The following ARPC2 variants were observed in gnomAD, a reference collection of about 807,000 sequenced individuals.
ARPC2 encodes actin related protein 2/3 complex subunit 2.
A neutral mutation model predicts 38.6 loss-of-function variants in ARPC2; 4 were observed. The observed-to-expected ratio is 0.10, with a 90% CI of 0.05 to 0.24. ARPC2 has a LOEUF of 0.24. Ranked by LOEUF, ARPC2 falls within the 10% of genes least tolerant of loss-of-function variation. The probability of loss-of-function intolerance (pLI) is 1.00; values close to 1 mark genes in which losing one functional copy is unlikely to be tolerated. For missense variants in ARPC2, 229 were observed against 387.3 expected, an observed-to-expected ratio of 0.59 and a Z score of 3.43; for synonymous variants, 125 against 140.8, an observed-to-expected ratio of 0.89 and a Z score of 0.79.
intron 2 of ARPC2, among the ~76,000 whole-genome samples, chr2:218,223,558 C>A (rs570123653): frequency 6.6e-6 from 1 of 152,258 alleles, no homozygotes; most frequent in African/African-American, 2.4e-5. Context: ...TGGAACATAT[C>A]CCCCACAGAT....
intron 1 of ARPC2, 63 bp from the exon 2 acceptor site, chr2:218,217,400 C>T (rs1689275677): frequency 2.0e-6 from 3 of 1,527,894 alleles, no homozygotes; most frequent in East Asian, 2.3e-5. Context: ...AGGGCCGCTC[C>T]CTCCGTCCTT....
chr2:218,253,933 G>A lies in ARPC2; in HGVS notation c.*18G>A, dbSNP rs1477391180. 1 of 1,613,778 alleles carries A rather than the reference G, an allele frequency of 6.2e-7. No individual in the cohort carries two copies. The highest frequency in any genetic ancestry group is 8.5e-7 in the Non-Finnish European group (1 of 1,179,968). On this transcript the variant is annotated 3_prime_UTR_variant, in exon 11 of 11. Coordinates refer to ENST00000315717, the MANE Select transcript of ARPC2 (RefSeq NM_152862.3). ...CCCGCTAATCTTGGGAATAAGAGGA[G>A]GAAGCGGCTGGCAACTGAAGGCTGG...
intron 10 of ARPC2, among the ~76,000 whole-genome samples, chr2:218,253,353 G>A (rs560932874): frequency 2.0e-5 from 3 of 152,270 alleles, no homozygotes; most frequent in East Asian, 3.9e-4. Context: ...CAGGAGCCTC[G>A]AACCAGGCAG....
chr2:218,243,331 C>T (rs1217752871), intron 7 of ARPC2, among the ~76,000 whole-genome samples: 1 of 152,190 alleles, frequency 6.6e-6, no homozygotes, highest in Non-Finnish European at 1.5e-5. Flanking sequence ...GCTCAAAAGA[C>T]ATCCTAGCCA....
rs1374944730 is a variant in ARPC2, at chr2:218,234,353, T to C, written c.224T>C (p.Leu75Ser). Residue 75 changes from leucine to serine, a missense_variant and splice_region_variant, in exon 5 of 11, where the codon TTA becomes TCA. Physicochemically the swap from Leu to Ser is moderately radical, Grantham distance 145. Coordinates refer to ENST00000315717, the MANE Select transcript of ARPC2 (RefSeq NM_152862.3). ...TTTTGTTTTGTTTTTATTTTCTAGTTATTAAAGAGGGTGTACGGGAGTTTC... is the reference window on the plus strand; with the variant it reads ...TTTTGTTTTGTTTTTATTTTCTAGTCATTAAAGAGGGTGTACGGGAGTTTC... ...KELQAHGADE[L>S]LKRVYGSFLV... 6.3e-7 allele frequency: 1 copy of C among 1,599,278 alleles called. No individual in the cohort carries two copies. Among genetic ancestry groups the C allele is most frequent in the Non-Finnish European group, 8.5e-7 (1 of 1,170,032 alleles).
chr2:218,253,548 A>C (rs534297456), intron 10 of ARPC2, among the ~76,000 whole-genome samples: 35 of 152,350 alleles, frequency 2.3e-4, no homozygotes, highest in African/African-American at 7.5e-4. Context: ...AGTACTAAGA[A>C]GACGGTTTGA....
intron 2 of ARPC2, among the ~76,000 whole-genome samples, chr2:218,221,987 G>T (rs1689392957): frequency 6.6e-6 from 1 of 152,178 alleles, no homozygotes; most frequent in South Asian, 2.1e-4. Context: ...GGGAATTGGG[G>T]CCAGGCACCC....
intron 4 of ARPC2, among the ~76,000 whole-genome samples, chr2:218,229,780 T>G (rs982321938): frequency 6.6e-6 from 1 of 152,204 alleles, no homozygotes; most frequent in African/African-American, 2.4e-5. Context: ...GATTTTCTCA[T>G]AAGTTCAAAG....
chr2:218,249,648 C>T, intron 9 of ARPC2, 173 bp from the exon 10 acceptor site: 1 of 748,244 alleles, frequency 1.3e-6, no homozygotes, highest in Non-Finnish European at 2.2e-6. Flanking sequence ...CTCCCTATAG[C>T]AGAGATGAAT....
In ARPC2 at chr2:218,254,111, A is replaced by T; in HGVS notation, c.*196A>T. 1 of 448,810 alleles carries T rather than the reference A, an allele frequency of 2.2e-6. No individual in the cohort carries two copies. Among genetic ancestry groups the T allele is most frequent in the Non-Finnish European group, 3.8e-6 (1 of 261,990 alleles). The allele number at this position is 448,810 out of a possible 1,614,324, so 27.8% of individuals were successfully genotyped here. On this transcript the variant is annotated 3_prime_UTR_variant, in exon 11 of 11. Coordinates refer to ENST00000315717, the MANE Select transcript of ARPC2 (RefSeq NM_152862.3). ...AGACTTCATAGTTCCCAAGAATTAA[A>T]AAAAAAAAAAAAAGAATTCCACTTG...
At chr2:218,224,721 G>A (rs956263973) in intron 2 of ARPC2, among the ~76,000 whole-genome samples, 6 of 152,160 alleles carry the variant, frequency 3.9e-5, no homozygotes, top group Admixed American at 3.3e-4. Context: ...AAGAAGCAAG[G>A]TGAAGCTTTG....
chr2:218,226,518 A>G (rs1689500465), intron 3 of ARPC2, among the ~76,000 whole-genome samples: 1 of 146,580 alleles, frequency 6.8e-6, no homozygotes, highest in Non-Finnish European at 1.5e-5. Flanking sequence ...AGTCCCAGCT[A>G]CTCCGGAGGC....
intron 10 of ARPC2, among the ~76,000 whole-genome samples, chr2:218,250,663 C>CA (rs35549624): frequency 0.47 from 56,620 of 119,916 alleles, 14,369 homozygotes; most frequent in South Asian, 0.63. Flanking sequence ...GACTTAGTCT[C>CA]AAAAAAAAAA....
chr2:218,235,326 GC>G (rs1182552242), intron 5 of ARPC2: 1 of 155,638 alleles, frequency 6.4e-6, no homozygotes, highest in African/African-American at 2.4e-5. Context: ...ACAGGCACAT[GC>G]CACCATACCC....
chr2:218,222,111 A>G (rs1466167370), intron 2 of ARPC2, among the ~76,000 whole-genome samples: 1 of 152,158 alleles, frequency 6.6e-6, no homozygotes, highest in Non-Finnish European at 1.5e-5. Flanking sequence ...TACTAAAAAT[A>G]CAAAAATTAG....
chr2:218,247,467 A>C (rs1331825355), intron 8 of ARPC2, among the ~76,000 whole-genome samples: 1 of 152,134 alleles, frequency 6.6e-6, no homozygotes, highest in Non-Finnish European at 1.5e-5. Context: ...ATTAAATCTA[A>C]ACTATACACT....
At chr2:218,242,564 T>C (rs10171820) in intron 7 of ARPC2, among the ~76,000 whole-genome samples, 4,612 of 152,288 alleles carry the variant, frequency 0.03, 253 homozygotes, top group African/African-American at 0.1. Flanking sequence ...GTAATTTTGG[T>C]AGACATTGCC....
At chr2:218,227,280 A>G (rs1689522283) in intron 3 of ARPC2, among the ~76,000 whole-genome samples, 1 of 151,890 alleles carries the variant, frequency 6.6e-6, no homozygotes, top group South Asian at 2.1e-4. Context: ...ATAGAACCGA[A>G]AAAGAGGGGA....
chr2:218,229,798 A>G (rs1363170758), intron 4 of ARPC2, among the ~76,000 whole-genome samples: 1 of 152,206 alleles, frequency 6.6e-6, no homozygotes, highest in Non-Finnish European at 1.5e-5. Context: ...AAGAAAGAAG[A>G]AATATTTAGA....
Sources: allele counts gnomAD v4.1 joint callset (sites outside exome capture counted in the v4.1 genomes callset), GRCh38; gene constraint gnomAD v4.1.1; transcripts MANE v1.5; gene names NCBI Gene and HGNC (gene_info 2026-07-23, HGNC 2026-07-21).